NSUN6: variants seen among roughly 807,000 people sequenced by gnomAD.
NSUN6 encodes tRNA (cytosine(72)-C(5))-methyltransferase NSUN6.
NSUN6 carries 64 observed loss-of-function variants against 58.0 expected under a neutral mutation model. The observed-to-expected ratio is 1.10, with a 90% confidence interval of 0.90 to 1.36. NSUN6 has a LOEUF of 1.36. Among genes scored for constraint, NSUN6 ranks in the 40% most tolerant of loss-of-function variants. The pLI, the probability that NSUN6 is intolerant of heterozygous loss-of-function variation, is 0.00. For synonymous variants in NSUN6, 231 were observed against 193.9 expected, an observed-to-expected ratio of 1.19 and a Z score of -1.59; for missense variants, 701 against 550.1, an observed-to-expected ratio of 1.27 and a Z score of -2.74.
Position 18,639,913 on chromosome 10 carries a change from T to C in NSUN6, c.311+2563A>G, listed in dbSNP as rs146749724. Among the ~76,000 whole-genome samples the C allele has an allele frequency of 3.8e-3, 577 of 152,330 alleles. 4 individuals are homozygous for C. Among genetic ancestry groups the C allele is most frequent in the African/African-American group, 0.013 (525 of 41,570 alleles). On this transcript the variant is annotated intron_variant, in intron 3 of 10. Transcript: ENST00000377304. The stretch of plus-strand genomic sequence containing the variant: ...CTAAAATAAGCACAGACCTTTGAAC[T>C]GGTTATTCTGTGTCATATCAGTTTG...
intron 7 of NSUN6, among the ~76,000 whole-genome samples, chr10:18,593,160 C>T (rs1468720010): frequency 2.0e-5 from 3 of 152,138 alleles, no homozygotes; most frequent in African/African-American, 7.2e-5. Flanking sequence ...AATGAGATAC[C>T]ATCTCACGCC....
chr10:18,594,736 T>C (rs7071300), intron 7 of NSUN6, among the ~76,000 whole-genome samples: 31,787 of 152,118 alleles, frequency 0.21, 3,654 homozygotes, highest in South Asian at 0.31. Flanking sequence ...GTGTCTGCAT[T>C]GCTGCCCCAC....
chr10:18,553,973 AT>A (rs1203381149), intron 8 of NSUN6, among the ~76,000 whole-genome samples: 1 of 149,308 alleles, frequency 6.7e-6, no homozygotes, highest in East Asian at 2.0e-4. Flanking sequence ...ATGGAATGGA[AT>A]CGACAATGCA....
chr10:18,658,643 A>T (rs544693509), upstream of NSUN6: 1 of 981,246 alleles, frequency 1.0e-6, no homozygotes, highest in Admixed American at 6.1e-5. Flanking sequence ...TATTAATCAC[A>T]TAACTGAACT....
chr10:18,563,923 A>G (rs1000421408), intron 8 of NSUN6, among the ~76,000 whole-genome samples: 2 of 149,196 alleles, frequency 1.3e-5, no homozygotes, highest in African/African-American at 4.9e-5. Context: ...TCTCCATTCC[A>G]TTCCACGTCA....
chr10:18,611,153 G>A (rs947690429), intron 5 of NSUN6, among the ~76,000 whole-genome samples: 7 of 151,976 alleles, frequency 4.6e-5, no homozygotes, highest in African/African-American at 1.7e-4. Flanking sequence ...TTAGCATCCC[G>A]CCACTGCACT....
chr10:18,562,935 T>C (rs1204013351), intron 8 of NSUN6, among the ~76,000 whole-genome samples: 1 of 148,682 alleles, frequency 6.7e-6, no homozygotes, highest in African/African-American at 2.5e-5. Flanking sequence ...AAGAATGGAA[T>C]GGAATGGAGA....
chr10:18,639,307 A>G (rs566915828), intron 3 of NSUN6, among the ~76,000 whole-genome samples: 14 of 152,242 alleles, frequency 9.2e-5, no homozygotes, highest in African/African-American at 3.1e-4. Flanking sequence ...AGCCTGGCCA[A>G]TATGGTGAAA....
chr10:18,657,302 C>G (rs753755121), upstream of NSUN6, among the ~76,000 whole-genome samples: 8 of 152,082 alleles, frequency 5.3e-5, no homozygotes, highest in Non-Finnish European at 8.8e-5. Context: ...GCAAACAAAA[C>G]TTTTAAATAT....
At chr10:18,650,009 ACT>A (rs1441953890) in intron 1 of NSUN6, among the ~76,000 whole-genome samples, 29 of 152,230 alleles carry the variant, frequency 1.9e-4, no homozygotes, top group African/African-American at 6.0e-4. Context: ...TGTTACTCTA[ACT>A]AAGAAAACTA....
At chr10:18,569,329 T>C (rs62648445) in intron 8 of NSUN6, among the ~76,000 whole-genome samples, 52,676 of 150,714 alleles carry the variant, frequency 0.35, 9,727 homozygotes, top group East Asian at 0.74. Context: ...GTATTCACCA[T>C]TGCATTTCAT....
At chr10:18,581,630 T>C (rs927010323) in intron 8 of NSUN6, among the ~76,000 whole-genome samples, 4 of 152,100 alleles carry the variant, frequency 2.6e-5, no homozygotes, top group African/African-American at 9.7e-5. Flanking sequence ...ATCGAGATCA[T>C]CGTGGCCAAC....
At chr10:18,553,901 A>AGAATGGAATGGAATGGAATGGAGAACG (rs1564705009) in intron 8 of NSUN6, among the ~76,000 whole-genome samples, 2 of 150,864 alleles carry the variant, frequency 1.3e-5, no homozygotes, top group Non-Finnish European at 3.0e-5. Flanking sequence ...AATGAGATGG[A>AGAATGGAATGGAATGGAATGGAGAACG]GAATGGAATG....
At chr10:18,648,195 G>C (rs2059604443) in intron 2 of NSUN6, among the ~76,000 whole-genome samples, 1 of 152,080 alleles carries the variant, frequency 6.6e-6, no homozygotes, top group Non-Finnish European at 1.5e-5. Context: ...GGTTAGACTG[G>C]ACTTCTTCAC....
chr10:18,648,781 G>C (rs1344583113), intron 1 of NSUN6, 136 bp from the exon 2 acceptor site: 7 of 539,180 alleles, frequency 1.3e-5, no homozygotes, highest in South Asian at 3.0e-5. Context: ...TTGTTTATAT[G>C]TTAATAGCAA....
At position 18,573,062 on chromosome 10, in the gene NSUN6, T is replaced by C. The variant is rs117700259; in HGVS notation, c.922+12887A>G. Reference sequence around the variant, plus strand: ...ATTCCATTCTCCATTCTCTTCTCCATTCCATTCCATTCTCCGTTCCACTCC... The same window carrying C: ...ATTCCATTCTCCATTCTCTTCTCCACTCCATTCCATTCTCCGTTCCACTCC... On this transcript the variant is annotated intron_variant, in intron 8 of 10. Transcript: ENST00000377304. Among the ~76,000 whole-genome samples, 305 of 150,798 alleles carry C rather than the reference T, an allele frequency of 2.0e-3. 8 individuals are homozygous for C. The East Asian group carries it at 0.054, about 26-fold the overall frequency.
At chr10:18,618,110 C>T (rs1348150195) in intron 3 of NSUN6, among the ~76,000 whole-genome samples, 6 of 152,180 alleles carry the variant, frequency 3.9e-5, no homozygotes, top group African/African-American at 1.2e-4. Flanking sequence ...TCTTCTAGTT[C>T]TGATAGGTTT....
At chr10:18,633,164 C>G (rs1256022152) in intron 3 of NSUN6, among the ~76,000 whole-genome samples, 1 of 151,596 alleles carries the variant, frequency 6.6e-6, no homozygotes, top group Non-Finnish European at 1.5e-5. Flanking sequence ...GAACAAAAAA[C>G]CAAACACCGC....
At chr10:18,597,295 A>G (rs1369125637) in intron 6 of NSUN6, among the ~76,000 whole-genome samples, 1 of 152,230 alleles carries the variant, frequency 6.6e-6, no homozygotes, top group Non-Finnish European at 1.5e-5. Context: ...TTATTTGGCA[A>G]GAAAAACAGA....
Sources: gnomAD v4.1 joint callset for allele counts (sites outside exome capture counted in the v4.1 genomes callset) on GRCh38, gnomAD v4.1.1 for gene constraint, MANE v1.5 for transcripts, NCBI Gene and HGNC (gene_info 2026-07-23, HGNC 2026-07-21) for gene names.